The following AFF1 variants were observed in gnomAD, a reference collection of about 807,000 sequenced individuals.
The protein encoded by AFF1 is AF4/FMR2 family member 1.
In AFF1, 48 loss-of-function variants were observed where a neutral mutation model predicts 121.7. The observed-to-expected ratio is 0.39, with a 90% CI of 0.31 to 0.50. AFF1 has a LOEUF of 0.50. Ranked by LOEUF, AFF1 falls within the 20% of genes least tolerant of loss-of-function variation. The pLI, the probability that AFF1 is intolerant of heterozygous loss-of-function variation, is 0.76. For missense variants in AFF1, 1,523 were observed against 1,511.7 expected, an observed-to-expected ratio of 1.01 and a Z score of -0.12; for synonymous variants, 613 against 563.0, an observed-to-expected ratio of 1.09 and a Z score of -1.26.
In AFF1 at chr4:87,131,230, A is replaced by G; in HGVS notation, c.3101+11A>G. On this transcript the variant is annotated intron_variant, in intron 17 of 20. Coordinates refer to ENST00000395146, the MANE Select transcript of AFF1 (RefSeq NM_001166693.3). ...TGTAGATCTCATTAAGTAAGTGCCG[A>G]GTCATTGTGCTTTCCTCTTAAGTCC... The G allele has an allele frequency of 6.2e-7, 1 of 1,613,798 alleles. No homozygotes were observed. Among genetic ancestry groups the G allele is most frequent in the Non-Finnish European group, 8.5e-7 (1 of 1,179,902 alleles).
chr4:86,995,408 C>A (rs984027853), intron 2 of AFF1, among the ~76,000 whole-genome samples: 15 of 150,426 alleles, frequency 1.0e-4, no homozygotes, highest in African/African-American at 3.7e-4. Context: ...CTGCAACCTC[C>A]CTGCCTGATT....
chr4:87,108,415 T>C, intron 11 of AFF1, 100 bp downstream of exon 11: 2 of 1,332,476 alleles, frequency 1.5e-6, no homozygotes, highest in Non-Finnish European at 2.0e-6. Flanking sequence ...TGAGACTGAG[T>C]CATTCTGTCC....
intron 2 of AFF1, chr4:86,950,060 T>C: frequency 1.2e-6 from 2 of 1,614,014 alleles, no homozygotes; most frequent in Non-Finnish European, 1.7e-6. Context: ...GTGATTGATG[T>C]AATAGGCCAT....
rs570873486 is a variant in AFF1 at position 86,975,272 on chromosome 4, A to G, written c.38+26701A>G. Among the ~76,000 whole-genome samples, 134 of 151,934 alleles carry G rather than the reference A, an allele frequency of 8.8e-4. 1 individual carries two copies. Among genetic ancestry groups the G allele is most frequent in the African/African-American group, 3.1e-3 (129 of 41,424 alleles). ...TTTTTTTGTTTGTTTTGTTTTTGAG[A>G]TAGCGTCTCACTCTGTTACCCAGGC... On this transcript the variant is annotated intron_variant, in intron 2 of 20. Transcript: ENST00000395146.
chr4:87,131,985 G>A (rs1218251644), intron 18 of AFF1, 121 bp downstream of exon 18: 21 of 941,212 alleles, frequency 2.2e-5, no homozygotes, highest in Non-Finnish European at 3.1e-5. Context: ...CAGTACTTTG[G>A]TCAAAAGGTT....
At chr4:87,077,733 A>G (rs1722812964) in intron 4 of AFF1, among the ~76,000 whole-genome samples, 1 of 152,202 alleles carries the variant, frequency 6.6e-6, no homozygotes, top group Admixed American at 6.5e-5. Context: ...CTGGCATATA[A>G]TGCATCTTTT....
chr4:87,013,212 G>A (rs1366199910), intron 2 of AFF1, among the ~76,000 whole-genome samples: 1 of 143,086 alleles, frequency 7.0e-6, no homozygotes, highest in Non-Finnish European at 1.5e-5. Flanking sequence ...GGCTAATTTT[G>A]TATTTTTAGT....
chr4:87,010,121 G>A (rs2149534548), intron 2 of AFF1, among the ~76,000 whole-genome samples: 1 of 152,284 alleles, frequency 6.6e-6, no homozygotes, highest in African/African-American at 2.4e-5. Flanking sequence ...GAAGTACTTT[G>A]AATTGAGAGA....
chr4:87,126,440 T>C, intron 14 of AFF1, 104 bp downstream of exon 14: 1 of 1,064,256 alleles, frequency 9.4e-7, no homozygotes, highest in South Asian at 1.5e-5. Flanking sequence ...AACTGTCCAT[T>C]GCTTTTAATG....
chr4:87,138,492 T>G lies in AFF1; in HGVS notation c.*2791T>G, dbSNP rs530976311. 185 of 26,144 alleles carry G rather than the reference T, an allele frequency of 7.1e-3. 1 individual carries two copies. Among genetic ancestry groups the G allele is most frequent in the African/African-American group, 0.028 (181 of 6,466 alleles). The allele number at this position is 26,144 out of a possible 1,614,324, so 1.6% of individuals were successfully genotyped here. ...AAATCTTGCCTTTGGCACTACAAGG[T>G]GTGTGTGTGTGTGTGTGTGTGTGTG... On this transcript the variant is annotated 3_prime_UTR_variant, in exon 21 of 21. Transcript: ENST00000395146.
At chr4:87,009,991 A>G (rs1726572483) in intron 2 of AFF1, among the ~76,000 whole-genome samples, 1 of 152,172 alleles carries the variant, frequency 6.6e-6, no homozygotes, top group Non-Finnish European at 1.5e-5. Flanking sequence ...TTTGTTATTG[A>G]TGGGTGATAT....
intron 2 of AFF1, among the ~76,000 whole-genome samples, chr4:86,964,729 C>T (rs1722413676): frequency 6.6e-6 from 1 of 152,280 alleles, no homozygotes; most frequent in East Asian, 1.9e-4. Flanking sequence ...CCACTGCGCC[C>T]GGCTGTTATA....
chr4:87,046,047 G>C, intron 2 of AFF1, 119 bp from the exon 3 acceptor site: 8 of 1,241,176 alleles, frequency 6.4e-6, no homozygotes, highest in Non-Finnish European at 8.9e-6. Flanking sequence ...AATCACAGCC[G>C]TCATCACTGC....
In AFF1 at chr4:87,046,882, C is replaced by T; in HGVS notation, c.347C>T (p.Thr116Ile). Reference protein sequence around the residue: ...GSSIPSSSFHTSVHHQSIHTP... With the variant: ...GSSIPSSSFHISVHHQSIHTP... ...AGCATTCCATCCAGCTCCTTCCACA[C>T]TAGTGTCCACCACCAGTCCATTCAC... The change falls in exon 4 of 21, where the codon ACT becomes ATT. Residue 116 changes from threonine (T) to isoleucine (I), a missense_variant. This residue lies in a region of AFF1 where 369 missense variants were observed against 367.2 expected (regional missense o/e 1.00). Coordinates refer to ENST00000395146, the MANE Select transcript of AFF1 (RefSeq NM_001166693.3). 1.2e-6 allele frequency: 2 copies of T among 1,614,240 alleles called. No individual in the cohort carries two copies. Among genetic ancestry groups the T allele is most frequent in the Non-Finnish European group, 1.7e-6 (2 of 1,180,046 alleles).
rs1311381977 is a variant in AFF1, at chr4:87,127,129, G to C, written c.2903+12G>C. ...GTGAAGTTTGACAAGTAAGACTTCA[G>C]ATGATTTCTTCTTGCTCTGTTTTGT... On this transcript the variant is annotated intron_variant, in intron 15 of 20. Transcript: ENST00000395146. The C allele has an allele frequency of 2.0e-6, 3 of 1,533,884 alleles. No individual in the cohort carries two copies. The highest frequency in any genetic ancestry group is 2.3e-5 in the East Asian group (1 of 42,636).
chr4:87,090,605 T>C (rs912483899), intron 6 of AFF1, among the ~76,000 whole-genome samples: 2 of 152,202 alleles, frequency 1.3e-5, no homozygotes, highest in Admixed American at 1.3e-4. Flanking sequence ...AATGTAGAAA[T>C]AGCACCTTCA....
intron 2 of AFF1, among the ~76,000 whole-genome samples, chr4:86,953,885 G>A (rs953385905): frequency 9.9e-5 from 15 of 151,792 alleles, no homozygotes; most frequent in Non-Finnish European, 1.9e-4. Flanking sequence ...ATTTTTGTAC[G>A]TTTTTAGTAG....
chr4:87,088,082 T>C (rs906220792), intron 5 of AFF1, among the ~76,000 whole-genome samples: 2 of 152,204 alleles, frequency 1.3e-5, no homozygotes, highest in African/African-American at 2.4e-5. Flanking sequence ...TGAAAATAAG[T>C]GGTTCTAGTT....
At chr4:87,127,162 T>TGTTGGGG in intron 15 of AFF1, 45 bp downstream of exon 15, 1 of 1,344,104 alleles carries the variant, frequency 7.4e-7, no homozygotes, top group Non-Finnish European at 1.0e-6. Flanking sequence ...TGTTTTGTTT[T>TGTTGGGG]GCTTCCCCCC....
Sources: gnomAD v4.1 joint callset for allele counts (sites outside exome capture counted in the v4.1 genomes callset) on GRCh38, gnomAD v4.1.1 for gene constraint, gnomAD v4.1.1 regional missense constraint, MANE v1.5 for transcripts, NCBI Gene and HGNC (gene_info 2026-07-23, HGNC 2026-07-21) for gene names.